The following OTUD7A variants were observed in gnomAD, a reference collection of about 807,000 sequenced individuals.
OTUD7A encodes OTU deubiquitinase 7A.
In OTUD7A, 12 loss-of-function variants were observed where a neutral mutation model predicts 65.7. The observed-to-expected ratio is 0.18, with a 90% CI of 0.12 to 0.30. The LOEUF is 0.30. OTUD7A is among the 10% of genes least tolerant of loss of function. The probability of loss-of-function intolerance (pLI) is 1.00; values close to 1 mark genes in which losing one functional copy is unlikely to be tolerated. For missense variants in OTUD7A, 1,148 were observed against 1,304.8 expected, an observed-to-expected ratio of 0.88 and a Z score of 1.85; for synonymous variants, 641 against 586.3, an observed-to-expected ratio of 1.09 and a Z score of -1.35.
chr15:31,483,697 G>A lies in OTUD7A; in HGVS notation c.2399C>T (p.Pro800Leu), dbSNP rs112910059. 23 of 1,154,586 alleles carry A rather than the reference G, an allele frequency of 2.0e-5. No homozygotes were observed. The highest frequency in any genetic ancestry group is 2.4e-5 in the Non-Finnish European group (23 of 939,734). 71.5% of individuals were successfully genotyped at this position (1,154,586 alleles called of 1,614,324 possible). A position where few individuals can be genotyped will look rare whatever the true frequency, so the allele number is the denominator to read the frequency against. Residue 800 changes from proline to leucine, a missense_variant, in exon 13 of 13, where the codon CCG (proline) becomes CTG (leucine). This residue lies in a region of OTUD7A where 842 missense variants were observed against 769.5 expected (regional missense o/e 1.09). Coordinates refer to ENST00000307050, the MANE Select transcript of OTUD7A (RefSeq NM_001382637.1). ...ACAPAVGALRPCATYPQQNRS... is the reference protein window; with the variant it reads ...ACAPAVGALRLCATYPQQNRS... ...GTTCTGCTGCGGGTACGTGGCGCAC[G>A]GCCGCAGCGCCCCCACGGCCGGCGC... is the stretch of plus-strand genomic sequence containing the variant.
chr15:31,483,831 G>C lies in OTUD7A; in HGVS notation c.2265C>G (p.Gly755=). The C allele has an allele frequency of 7.1e-6, 7 of 987,180 alleles. No individual in the cohort carries two copies. The highest frequency in any genetic ancestry group is 8.4e-6 in the Non-Finnish European group (7 of 832,704). 61.2% of individuals were successfully genotyped at this position (987,180 alleles called of 1,614,324 possible). The part of the protein sequence containing the change: ...AAGGTASPGG[G]ARRASASGPV... ...GTCCGCTGGCGCTCGCACGCCGCGCGCCTCCCCCCGGGGAGGCCGTGCCGC... is the reference window on the plus strand; with the variant it reads ...GTCCGCTGGCGCTCGCACGCCGCGCCCCTCCCCCCGGGGAGGCCGTGCCGC... The change falls in exon 13 of 13, where the codon GGC becomes GGG. Residue 755 remains glycine, a synonymous_variant. Transcript: ENST00000307050.
At chr15:31,785,421 A>C (rs532837512) in intron 1 of OTUD7A, among the ~76,000 whole-genome samples, 2 of 152,334 alleles carry the variant, frequency 1.3e-5, no homozygotes, top group East Asian at 3.9e-4. Flanking sequence ...CCAAGATTAT[A>C]CTAGCTTTTC....
At chr15:31,844,053 C>T (rs926738490) in intron 1 of OTUD7A, among the ~76,000 whole-genome samples, 4 of 152,238 alleles carry the variant, frequency 2.6e-5, no homozygotes, top group African/African-American at 7.2e-5. Context: ...TAAGGACATA[C>T]TCACTTCGAC....
chr15:31,546,901 C>G (rs1215293090), intron 5 of OTUD7A, among the ~76,000 whole-genome samples: 2 of 152,170 alleles, frequency 1.3e-5, no homozygotes, highest in African/African-American at 4.8e-5. Context: ...ATATAAAGCT[C>G]AAAAAGAGGC....
chr15:31,536,782 AG>A (rs1347742893), intron 5 of OTUD7A, among the ~76,000 whole-genome samples: 2 of 152,246 alleles, frequency 1.3e-5, no homozygotes, highest in Non-Finnish European at 2.9e-5. Flanking sequence ...TGTGGGAGTT[AG>A]AAATGTGATC....
At chr15:31,668,992 G>A (rs1407762090) in intron 1 of OTUD7A, among the ~76,000 whole-genome samples, 1 of 152,220 alleles carries the variant, frequency 6.6e-6, no homozygotes. Context: ...ACAGAGCCCT[G>A]TGATGTAAAC....
chr15:31,789,035 T>C (rs1023264667), intron 1 of OTUD7A, among the ~76,000 whole-genome samples: 8 of 152,152 alleles, frequency 5.3e-5, no homozygotes, highest in African/African-American at 1.7e-4. Context: ...ATTACCATAA[T>C]CTTACACCCA....
chr15:31,862,191 T>G (rs1897759693), intron 1 of OTUD7A, among the ~76,000 whole-genome samples: 1 of 152,154 alleles, frequency 6.6e-6, no homozygotes, highest in Admixed American at 6.5e-5. Context: ...ACCCCCTAGT[T>G]TTTCATGTAA....
At chr15:31,509,086 T>C (rs1237334963) in intron 8 of OTUD7A, among the ~76,000 whole-genome samples, 1 of 152,200 alleles carries the variant, frequency 6.6e-6, no homozygotes, top group Non-Finnish European at 1.5e-5. Flanking sequence ...TTACTTTTAA[T>C]GTCTGACTAT....
At chr15:31,799,491 GC>G (rs543557374) in intron 1 of OTUD7A, among the ~76,000 whole-genome samples, 32 of 152,202 alleles carry the variant, frequency 2.1e-4, no homozygotes, top group African/African-American at 7.0e-4. Flanking sequence ...TGAGGGTGGG[GC>G]CCCCATGATA....
At chr15:31,739,764 T>C (rs1040940253) in intron 1 of OTUD7A, among the ~76,000 whole-genome samples, 2 of 151,902 alleles carry the variant, frequency 1.3e-5, no homozygotes, top group African/African-American at 2.4e-5. Flanking sequence ...TAGAGATGGG[T>C]TTTTGCCATG....
intron 1 of OTUD7A, among the ~76,000 whole-genome samples, chr15:31,859,382 C>G (rs1242220776): frequency 6.6e-6 from 1 of 152,202 alleles, no homozygotes; most frequent in Non-Finnish European, 1.5e-5. Flanking sequence ...GTCTATAATA[C>G]ATTGTTATTA....
chr15:31,504,766 T>G (rs981376856), intron 8 of OTUD7A, among the ~76,000 whole-genome samples: 3 of 152,240 alleles, frequency 2.0e-5, no homozygotes, highest in African/African-American at 7.2e-5. Flanking sequence ...CATGGGTTCA[T>G]GGGCACAGTT....
At chr15:31,860,677 GTATATATATATATA>G (rs1555425282) in intron 1 of OTUD7A, among the ~76,000 whole-genome samples, 9 of 73,284 alleles carry the variant, frequency 1.2e-4, no homozygotes, top group Non-Finnish European at 7.9e-5. Context: ...ATGTATGTGT[GTATATATATATATA>G]TATATATATG....
intron 1 of OTUD7A, among the ~76,000 whole-genome samples, chr15:31,709,919 T>C (rs1893398850): frequency 6.6e-6 from 1 of 151,346 alleles, no homozygotes; most frequent in Non-Finnish European, 1.5e-5. Context: ...TGCAGAGGAA[T>C]ATATGGTCTA....
chr15:31,772,263 A>AAATAAAAT lies in OTUD7A; in HGVS notation c.-100+98243_-100+98244insATTTTATT. On this transcript the variant is annotated intron_variant, in intron 1 of 12. Coordinates refer to ENST00000307050, the MANE Select transcript of OTUD7A (RefSeq NM_001382637.1). The stretch of plus-strand genomic sequence containing the variant: ...CGAGACTCCGTCTCAAAAAAAAAAA[A>AAATAAAAT]AAAAAAAATATTTTAGAGTGTTGAT... Among the ~76,000 whole-genome samples the AAATAAAAT allele has an allele frequency of 2.4e-4, 37 of 151,872 alleles. No individual in the cohort carries two copies. In the South Asian group the frequency reaches 7.1e-3, roughly 29 times the overall value.
rs1195150021 is a variant in OTUD7A at position 31,476,940 on chromosome 15, C to G, written c.*6354G>C. On this transcript the variant is annotated 3_prime_UTR_variant, in exon 13 of 13. Transcript: ENST00000307050. ...GGTCATTGGAGGACCCACGCCTCCC[C>G]TGCTGTGGGTGAGGCCACCTGCCAG... 1 of 152,334 alleles carries G rather than the reference C, an allele frequency of 6.6e-6. No homozygotes were observed. The highest frequency in any genetic ancestry group is 1.5e-5 in the Non-Finnish European group (1 of 68,102). 9.4% of individuals were successfully genotyped at this position (152,334 alleles called of 1,614,324 possible).
At chr15:31,576,834 A>G (rs1223186695) in intron 3 of OTUD7A, among the ~76,000 whole-genome samples, 1 of 152,192 alleles carries the variant, frequency 6.6e-6, no homozygotes, top group Non-Finnish European at 1.5e-5. Flanking sequence ...CCCACCAACT[A>G]ACCAAATGAA....
chr15:31,499,991 C>T (rs991751151), intron 10 of OTUD7A, among the ~76,000 whole-genome samples: 5 of 152,184 alleles, frequency 3.3e-5, no homozygotes, highest in African/African-American at 1.2e-4. Context: ...ATCTGGAAGG[C>T]CTGGAAGAGT....
Sources: allele counts gnomAD v4.1 joint callset (sites outside exome capture counted in the v4.1 genomes callset), GRCh38; gene constraint gnomAD v4.1.1; regional missense constraint gnomAD v4.1.1; transcripts MANE v1.5; gene names NCBI Gene and HGNC (gene_info 2026-07-23, HGNC 2026-07-21).